The following MYCBP2 variants were observed in gnomAD, a reference collection of about 807,000 sequenced individuals.
The protein encoded by MYCBP2 is MYC binding protein 2.
MYCBP2 carries 120 observed loss-of-function variants against 525.3 expected under a neutral mutation model. That is an observed-to-expected ratio of 0.23 (90% CI 0.20 to 0.27). The LOEUF (loss-of-function observed/expected upper bound fraction) is 0.27, where lower values mean the gene tolerates loss of function less well. MYCBP2 is among the 10% of genes least tolerant of loss of function. MYCBP2 has a pLI of 1.00. For missense variants in MYCBP2, 4,149 were observed against 5,657.1 expected, an observed-to-expected ratio of 0.73 and a Z score of 8.55; for synonymous variants, 1,894 against 1,955.8, an observed-to-expected ratio of 0.97 and a Z score of 0.83.
intron 26 of MYCBP2, among the ~76,000 whole-genome samples, chr13:77,197,655 C>T (rs898425294): frequency 1.3e-5 from 2 of 151,930 alleles, no homozygotes; most frequent in Non-Finnish European, 2.9e-5. Context: ...TTGAGGAACT[C>T]CTACATTCAG....
intron 21 of MYCBP2, among the ~76,000 whole-genome samples, chr13:77,213,841 C>T (rs926000139): frequency 3.9e-5 from 6 of 152,198 alleles, no homozygotes; most frequent in African/African-American, 1.2e-4. Context: ...AAACCTTCAG[C>T]AGTGGAAGGA....
At chr13:77,109,068 G>A (rs1594615523) in intron 55 of MYCBP2, among the ~76,000 whole-genome samples, 1 of 152,286 alleles carries the variant, frequency 6.6e-6, no homozygotes, top group South Asian at 2.1e-4. Flanking sequence ...GCCTCAAAAT[G>A]GGAATACGTG....
intron 26 of MYCBP2, among the ~76,000 whole-genome samples, chr13:77,197,744 A>G (rs1280322560): frequency 6.6e-6 from 1 of 152,140 alleles, no homozygotes; most frequent in Non-Finnish European, 1.5e-5. Context: ...AAACAAAAAA[A>G]TACAGAAGGG....
At chr13:77,114,781 A>G (rs1317812897) in intron 55 of MYCBP2, among the ~76,000 whole-genome samples, 1 of 152,066 alleles carries the variant, frequency 6.6e-6, no homozygotes, top group African/African-American at 2.4e-5. Context: ...AAATAAAAAA[A>G]GTATTAAAAA....
chr13:77,064,692 T>G lies in MYCBP2; in HGVS notation c.12595A>C (p.Ile4199Leu). ...EAWSRVTKNA[I>L]AETIIALTKM... ...GTCAAGGCAATGATGGTTTCTGCAA[T>G]AGCATTTTTTGTCACTCGGGACCAA... Residue 4199 changes from isoleucine to leucine, a missense_variant, in exon 73 of 83, where the codon ATT becomes CTT. Coordinates refer to ENST00000544440, the MANE Select transcript of MYCBP2 (RefSeq NM_015057.5). 6.2e-7 allele frequency: 1 copy of G among 1,613,872 alleles called. No individual in the cohort carries two copies. Among genetic ancestry groups the G allele is most frequent in the Non-Finnish European group, 8.5e-7 (1 of 1,179,836 alleles).
chr13:77,204,671 G>A (rs1292965427), intron 26 of MYCBP2, among the ~76,000 whole-genome samples: 12 of 127,898 alleles, frequency 9.4e-5, no homozygotes, highest in South Asian at 2.8e-4. Context: ...ATGATAGACT[G>A]GATTAAGAAA....
At chr13:77,085,941 A>G (rs1247325300) in intron 62 of MYCBP2, among the ~76,000 whole-genome samples, 1 of 152,174 alleles carries the variant, frequency 6.6e-6, no homozygotes, top group Non-Finnish European at 1.5e-5. Context: ...ACAATCTCAC[A>G]TTGTAACTGT....
chr13:77,186,761 C>T (rs1465473441), intron 30 of MYCBP2, among the ~76,000 whole-genome samples: 1 of 151,630 alleles, frequency 6.6e-6, no homozygotes, highest in African/African-American at 2.4e-5. Context: ...GCCCCATTCC[C>T]ACCAAATCCC....
intron 4 of MYCBP2, among the ~76,000 whole-genome samples, chr13:77,276,365 A>G (rs766029436): frequency 9.9e-5 from 15 of 152,122 alleles, no homozygotes; most frequent in Non-Finnish European, 2.1e-4. Flanking sequence ...GATAACCAAT[A>G]AGATTGTGAT....
intron 69 of MYCBP2, among the ~76,000 whole-genome samples, chr13:77,069,955 C>T (rs1434518215): frequency 1.3e-5 from 2 of 151,780 alleles, no homozygotes; most frequent in African/African-American, 4.8e-5. Flanking sequence ...TATGTAGCAC[C>T]CCATTATATG....
intron 1 of MYCBP2, among the ~76,000 whole-genome samples, chr13:77,298,684 C>A (rs2078452830): frequency 1.3e-5 from 2 of 152,112 alleles, no homozygotes. Flanking sequence ...GCCAGAAAGG[C>A]CCACTAAGGA....
chr13:77,125,731 A>G (rs2051536795), intron 53 of MYCBP2, among the ~76,000 whole-genome samples: 1 of 152,226 alleles, frequency 6.6e-6, no homozygotes, highest in Non-Finnish European at 1.5e-5. Context: ...TTTAAGAATT[A>G]CCCAAGAACA....
chr13:77,206,575 A>C, intron 24 of MYCBP2, 78 bp downstream of exon 24: 2 of 1,236,458 alleles, frequency 1.6e-6, no homozygotes, highest in Non-Finnish European at 1.1e-6. Context: ...AATTACATAT[A>C]AATTTAAATA....
chr13:77,109,796 A>T (rs2048475122), intron 55 of MYCBP2: 1 of 152,208 alleles, frequency 6.6e-6, no homozygotes, highest in African/African-American at 2.4e-5. Context: ...GACATTTATC[A>T]GTTCCCCAAA....
chr13:77,217,707 A>G (rs2065015357), intron 21 of MYCBP2, 133 bp downstream of exon 21: 4 of 485,878 alleles, frequency 8.2e-6, no homozygotes, highest in African/African-American at 2.0e-5. Context: ...GGATGAAGGC[A>G]TGAAATATGC....
chr13:77,223,513 G>A (rs1390808723), intron 20 of MYCBP2, among the ~76,000 whole-genome samples: 4 of 152,134 alleles, frequency 2.6e-5, no homozygotes, highest in Non-Finnish European at 4.4e-5. Context: ...ACTGCATTAC[G>A]TAGAATACAA....
At chr13:77,297,597 T>A (rs1240514868) in intron 1 of MYCBP2, among the ~76,000 whole-genome samples, 3 of 152,142 alleles carry the variant, frequency 2.0e-5, no homozygotes, top group Admixed American at 6.5e-5. Flanking sequence ...CCTAGGTCAC[T>A]TGGAGGTAGA....
chr13:77,187,711 C>A (rs1316513769), intron 30 of MYCBP2, among the ~76,000 whole-genome samples: 1 of 152,058 alleles, frequency 6.6e-6, no homozygotes, highest in Non-Finnish European at 1.5e-5. Flanking sequence ...TGTAGAGCAT[C>A]CTGTATTTGA....
intron 2 of MYCBP2, among the ~76,000 whole-genome samples, chr13:77,292,483 C>T (rs1051324538): frequency 9.3e-5 from 14 of 151,072 alleles, no homozygotes; most frequent in African/African-American, 2.9e-4. Context: ...TATTGATATA[C>T]AACAACATTA....
Sources: allele counts gnomAD v4.1 joint callset (sites outside exome capture counted in the v4.1 genomes callset), GRCh38; gene constraint gnomAD v4.1.1; transcripts MANE v1.5; gene names NCBI Gene and HGNC (gene_info 2026-07-23, HGNC 2026-07-21).